The following NEMP2 variants were observed in gnomAD, a reference collection of about 807,000 sequenced individuals.
The protein encoded by NEMP2 is UPF0571 transmembrane protein.
Under a neutral mutation model 54.2 loss-of-function variants are expected in NEMP2, and 53 were observed. The ratio of observed to expected loss-of-function variants is 0.98; its 90% CI spans 0.78 to 1.23. NEMP2 has a LOEUF of 1.23. Ranked by LOEUF, NEMP2 falls within the 50% of genes most tolerant of loss-of-function variation. NEMP2 has a pLI of 0.00. For missense variants in NEMP2, 455 were observed against 511.3 expected, an observed-to-expected ratio of 0.89 and a Z score of 1.06; for synonymous variants, 197 against 190.3, an observed-to-expected ratio of 1.04 and a Z score of -0.29.
chr2:190,484,123 G>A, the NEMP2 span, among the ~76,000 whole-genome samples: 1 of 152,134 alleles, frequency 6.6e-6, no homozygotes, highest in Admixed American at 6.6e-5. Context: ...GTATTGAATT[G>A]TCACTGAAGG....
chr2:190,485,188 G>A, the NEMP2 span, among the ~76,000 whole-genome samples: 1 of 152,138 alleles, frequency 6.6e-6, no homozygotes, highest in East Asian at 1.9e-4. The surrounding 1 kb of genome is among the most constrained non-coding windows in gnomAD (Gnocchi z 5.1). Flanking sequence ...CTGAGAGGGG[G>A]AAAATAGATA....
the NEMP2 span, among the ~76,000 whole-genome samples, chr2:190,448,130 C>T: frequency 6.6e-6 from 1 of 152,076 alleles, no homozygotes; most frequent in African/African-American, 2.4e-5. Context: ...TGCAGACTGC[C>T]CTTAGACTGC....
the NEMP2 span, among the ~76,000 whole-genome samples, chr2:190,557,540 T>C: frequency 1.3e-5 from 2 of 151,950 alleles, no homozygotes; most frequent in African/African-American, 2.4e-5. Flanking sequence ...ACAGGCAACA[T>C]ACAAAATGGG....
At chr2:190,635,948 C>G in the NEMP2 span, among the ~76,000 whole-genome samples, 1 of 152,190 alleles carries the variant, frequency 6.6e-6, no homozygotes, top group African/African-American at 2.4e-5. This position sits in a 1 kb window ranked among gnomAD's most constrained non-coding sequence, Gnocchi z 4.1. Flanking sequence ...CTCACGGCAG[C>G]CTTGGACTCC....
chr2:190,452,078 GTT>G, the NEMP2 span, among the ~76,000 whole-genome samples: 1 of 143,070 alleles, frequency 7.0e-6, no homozygotes, highest in Admixed American at 7.0e-5. Context: ...AAAGTTTTTT[GTT>G]TTTTTTTTCA....
chr2:190,468,257 GTAATACTTCAC>G, the NEMP2 span, among the ~76,000 whole-genome samples: 1 of 152,100 alleles, frequency 6.6e-6, no homozygotes. Context: ...CAGACTTTTT[GTAATACTTCAC>G]TGAGAATCTG....
chr2:190,456,339 G>T, the NEMP2 span, among the ~76,000 whole-genome samples: 1 of 152,198 alleles, frequency 6.6e-6, no homozygotes, highest in African/African-American at 2.4e-5. This position sits in a 1 kb window ranked among gnomAD's most constrained non-coding sequence, Gnocchi z 5.4. Context: ...ATTGACTTCA[G>T]TCTGAGTGCT....
the NEMP2 span, among the ~76,000 whole-genome samples, chr2:190,622,651 C>T: frequency 2.6e-5 from 4 of 152,040 alleles, no homozygotes; most frequent in Non-Finnish European, 4.4e-5. Context: ...CAACAAAAAT[C>T]GGACATCATC....
At chr2:190,569,135 C>T in the NEMP2 span, among the ~76,000 whole-genome samples, 6 of 152,154 alleles carry the variant, frequency 3.9e-5, no homozygotes, top group African/African-American at 7.2e-5. Flanking sequence ...AAGGGCTGCT[C>T]TTTGTCTTTT....
the NEMP2 span, among the ~76,000 whole-genome samples, chr2:190,638,599 T>C: frequency 6.6e-6 from 1 of 152,172 alleles, no homozygotes; most frequent in Admixed American, 6.5e-5. The surrounding 1 kb of genome is among the most constrained non-coding windows in gnomAD (Gnocchi z 5.7). Flanking sequence ...AAAGATATTG[T>C]AAAGCAAAAT....
chr2:190,424,289 A>AT, the NEMP2 span, among the ~76,000 whole-genome samples: 1 of 148,232 alleles, frequency 6.7e-6, no homozygotes, highest in East Asian at 2.0e-4. The surrounding 1 kb of genome is among the most constrained non-coding windows in gnomAD (Gnocchi z 5.9). Flanking sequence ...TTAATGATCC[A>AT]TTTTGAGTTA....
the NEMP2 span, among the ~76,000 whole-genome samples, chr2:190,544,491 A>G: frequency 6.6e-6 from 1 of 152,124 alleles, no homozygotes; most frequent in Admixed American, 6.5e-5. Context: ...GTGATTCTCA[A>G]ATTTTGGTGT....
the NEMP2 span, among the ~76,000 whole-genome samples, chr2:190,491,291 C>T: frequency 6.6e-6 from 1 of 152,198 alleles, no homozygotes; most frequent in African/African-American, 2.4e-5. This position sits in a 1 kb window ranked among gnomAD's most constrained non-coding sequence, Gnocchi z 4.2. Context: ...AGCTCACACT[C>T]AGGTGGACCG....
At chr2:190,594,754 T>C in the NEMP2 span, among the ~76,000 whole-genome samples, 1 of 152,152 alleles carries the variant, frequency 6.6e-6, no homozygotes, top group African/African-American at 2.4e-5. This position sits in a 1 kb window ranked among gnomAD's most constrained non-coding sequence, Gnocchi z 5.6. Flanking sequence ...ATTGAACGAA[T>C]AGAGTTAGCT....
At chr2:190,541,021 A>G in the NEMP2 span, among the ~76,000 whole-genome samples, 1 of 152,048 alleles carries the variant, frequency 6.6e-6, no homozygotes, top group East Asian at 1.9e-4. This position sits in a 1 kb window ranked among gnomAD's most constrained non-coding sequence, Gnocchi z 5.2. Context: ...ACTCATTCAC[A>G]TTAGTCTCTA....
chr2:190,518,549 T>C (rs766430282), intron 4 of NEMP2, among the ~76,000 whole-genome samples, 187 bp downstream of exon 4: 3 of 152,218 alleles, frequency 2.0e-5, no homozygotes, highest in Non-Finnish European at 4.4e-5. Context: ...CATATACATA[T>C]CACACGATAA....
At chr2:190,605,290 C>T in the NEMP2 span, among the ~76,000 whole-genome samples, 1 of 151,644 alleles carries the variant, frequency 6.6e-6, no homozygotes, top group African/African-American at 2.4e-5. Flanking sequence ...GCCCGCCCCA[C>T]TATTCCCTGC....
At chr2:190,564,925 C>T in the NEMP2 span, among the ~76,000 whole-genome samples, 17 of 152,160 alleles carry the variant, frequency 1.1e-4, no homozygotes, top group African/African-American at 4.1e-4. The surrounding 1 kb of genome is among the most constrained non-coding windows in gnomAD (Gnocchi z 4.2). Flanking sequence ...AAGCCATAGT[C>T]TAAAGTGTGT....
At chr2:190,444,667 C>T in the NEMP2 span, among the ~76,000 whole-genome samples, 1 of 152,100 alleles carries the variant, frequency 6.6e-6, no homozygotes, top group Admixed American at 6.5e-5. Flanking sequence ...AGAAAACAAA[C>T]ATAAAGCCAC....
Sources: gnomAD v4.1 joint callset for allele counts (sites outside exome capture counted in the v4.1 genomes callset) on GRCh38, gnomAD v4.1.1 for gene constraint, Gnocchi (gnomAD v3.1) non-coding constraint, MANE v1.5 for transcripts, NCBI Gene and HGNC (gene_info 2026-07-23, HGNC 2026-07-21) for gene names.